CAPZB: variants seen among roughly 807,000 people sequenced by gnomAD.
The protein encoded by CAPZB is capping actin protein of muscle Z-line subunit beta.
A neutral mutation model predicts 38.1 loss-of-function variants in CAPZB; 2 were observed. The observed-to-expected ratio is 0.05, with a 90% CI of 0.02 to 0.17. The LOEUF is 0.17. Ranked by LOEUF, CAPZB falls within the 10% of genes least tolerant of loss-of-function variation. The pLI, the probability that CAPZB is intolerant of heterozygous loss-of-function variation, is 1.00. For missense variants in CAPZB, 161 were observed against 334.2 expected, an observed-to-expected ratio of 0.48 and a Z score of 4.04; for synonymous variants, 107 against 127.4, an observed-to-expected ratio of 0.84 and a Z score of 1.08.
At chr1:19,343,046 C>T (rs950305517) in intron 8 of CAPZB, among the ~76,000 whole-genome samples, 3 of 152,124 alleles carry the variant, frequency 2.0e-5, no homozygotes, top group South Asian at 2.1e-4. Context: ...TGGCGGTGGT[C>T]GTGGTATTCA....
At chr1:19,436,170 A>G (rs1245188294) in intron 1 of CAPZB, among the ~76,000 whole-genome samples, 1 of 152,246 alleles carries the variant, frequency 6.6e-6, no homozygotes, top group Non-Finnish European at 1.5e-5. Context: ...GGAAAATTCC[A>G]CAAACAATTT....
At chr1:19,410,756 T>C (rs1338004239) in intron 2 of CAPZB, among the ~76,000 whole-genome samples, 1 of 152,224 alleles carries the variant, frequency 6.6e-6, no homozygotes, top group East Asian at 1.9e-4. Context: ...AAAGATTATT[T>C]AGCTTTGGCA....
At chr1:19,423,512 C>T (rs1020604823) in intron 1 of CAPZB, among the ~76,000 whole-genome samples, 2 of 110,938 alleles carry the variant, frequency 1.8e-5, no homozygotes, top group African/African-American at 3.6e-5. Flanking sequence ...CAATAGTGAA[C>T]ATTCTTTTTT....
chr1:19,378,049 TG>T (rs2094152592), intron 4 of CAPZB, among the ~76,000 whole-genome samples: 1 of 152,184 alleles, frequency 6.6e-6, no homozygotes, highest in South Asian at 2.1e-4. Flanking sequence ...TACGGGCCTT[TG>T]GAGATAAACA....
At chr1:19,413,992 G>T (rs187801406) in intron 2 of CAPZB, among the ~76,000 whole-genome samples, 2 of 152,192 alleles carry the variant, frequency 1.3e-5, no homozygotes, top group African/African-American at 4.8e-5. Flanking sequence ...CTAATCAATC[G>T]TATTAATGAA....
intron 2 of CAPZB, among the ~76,000 whole-genome samples, chr1:19,388,614 A>G (rs1477717295): frequency 6.6e-6 from 1 of 152,212 alleles, no homozygotes. Flanking sequence ...GCACTGAACA[A>G]AGAGAACCGG....
chr1:19,393,083 G>A lies in CAPZB; in HGVS notation c.94-7457C>T, dbSNP rs570828703. 1.2e-3 allele frequency among the ~76,000 whole-genome samples: 177 copies of A among 152,318 alleles called. 5 individuals carry two copies. Among genetic ancestry groups the A allele is most frequent in the Admixed American group, 0.012 (176 of 15,300 alleles). On this transcript the variant is annotated intron_variant, in intron 2 of 8. Coordinates refer to ENST00000264202, the MANE Select transcript of CAPZB (RefSeq NM_004930.5). Reference sequence around the variant, plus strand: ...AAGCCTGCTCCCCAACTCCCCAAGGGCAGCTTCGTTACAGGGACCCCAGTT... The same window carrying A: ...AAGCCTGCTCCCCAACTCCCCAAGGACAGCTTCGTTACAGGGACCCCAGTT...
At chr1:19,484,841 G>A (rs1401749163) in intron 1 of CAPZB, 8 of 290,138 alleles carry the variant, frequency 2.8e-5, no homozygotes, top group Admixed American at 1.3e-4. Context: ...AGAAGAGGAG[G>A]TCCAGATTTA....
intron 1 of CAPZB, among the ~76,000 whole-genome samples, chr1:19,430,383 A>C (rs984017766): frequency 2.6e-5 from 4 of 152,190 alleles, no homozygotes; most frequent in African/African-American, 9.7e-5. Context: ...CTATACTTCC[A>C]CTGTAGTTTT....
At chr1:19,366,218 G>C (rs1045878935) in intron 4 of CAPZB, among the ~76,000 whole-genome samples, 2 of 149,240 alleles carry the variant, frequency 1.3e-5, no homozygotes, top group African/African-American at 5.0e-5. Context: ...AGGCCAAGGT[G>C]GGGGGATCAC....
chr1:19,456,661 C>A (rs2094534066), intron 1 of CAPZB, among the ~76,000 whole-genome samples: 1 of 152,176 alleles, frequency 6.6e-6, no homozygotes, highest in Admixed American at 6.5e-5. Context: ...ATCAGACCAT[C>A]CCACAACGTG....
At chr1:19,390,741 T>C (rs1288469827) in intron 2 of CAPZB, among the ~76,000 whole-genome samples, 1 of 151,856 alleles carries the variant, frequency 6.6e-6, no homozygotes, top group African/African-American at 2.4e-5. Flanking sequence ...CCCCAGAAGG[T>C]AGAAGGTAAG....
intron 1 of CAPZB, among the ~76,000 whole-genome samples, chr1:19,450,166 A>AG (rs2100692200): frequency 8.5e-6 from 1 of 117,256 alleles, no homozygotes; most frequent in South Asian, 2.8e-4. Flanking sequence ...AAAAAAAAAA[A>AG]AAAGAAAAGA....
At chr1:19,386,465 G>C (rs866471905) in intron 2 of CAPZB, among the ~76,000 whole-genome samples, 1 of 152,216 alleles carries the variant, frequency 6.6e-6, no homozygotes, top group Non-Finnish European at 1.5e-5. Context: ...TTTGTTTCAT[G>C]GGCCTGGGTT....
chr1:19,423,617 T>C (rs2094410331), intron 1 of CAPZB, among the ~76,000 whole-genome samples: 1 of 148,654 alleles, frequency 6.7e-6, no homozygotes. Flanking sequence ...CTCTGTCTCC[T>C]GGGCTCAAGC....
chr1:19,344,582 G>C lies in CAPZB; in HGVS notation c.655-148C>G, dbSNP rs1569864162. ...TGGGGCATCAGTGAGCGCGCTCCAG[G>C]CTGCCAAGACCCCACCTGCCATCTG... On this transcript the variant is annotated intron_variant, in intron 7 of 8. Coordinates refer to ENST00000264202, the MANE Select transcript of CAPZB (RefSeq NM_004930.5). The C allele has an allele frequency of 4.5e-6, 3 of 667,770 alleles. No individual in the cohort carries two copies. In the East Asian group the frequency reaches 7.9e-5, roughly 18 times the overall value. 41.4% of individuals were successfully genotyped at this position (667,770 alleles called of 1,614,324 possible). A position where few individuals can be genotyped will look rare whatever the true frequency, so the allele number is the denominator to read the frequency against.
chr1:19,405,801 C>T (rs2094328695), intron 2 of CAPZB, among the ~76,000 whole-genome samples: 1 of 152,208 alleles, frequency 6.6e-6, no homozygotes, highest in South Asian at 2.1e-4. Flanking sequence ...TCTGACAGCA[C>T]TCCCGCCGCC....
intron 6 of CAPZB, among the ~76,000 whole-genome samples, chr1:19,345,492 G>C (rs2093955397): frequency 6.6e-6 from 1 of 152,228 alleles, no homozygotes; most frequent in Non-Finnish European, 1.5e-5. Flanking sequence ...AGAAGATTTT[G>C]CTGCTGCCCA....
At chr1:19,479,200 ACT>A (rs904114374) in intron 1 of CAPZB, among the ~76,000 whole-genome samples, 15 of 151,804 alleles carry the variant, frequency 9.9e-5, no homozygotes, top group African/African-American at 3.2e-4. Flanking sequence ...GCAGAGCGAG[ACT>A]CTGTCTCAAA....
Sources: allele counts gnomAD v4.1 joint callset (sites outside exome capture counted in the v4.1 genomes callset), GRCh38; gene constraint gnomAD v4.1.1; transcripts MANE v1.5; gene names NCBI Gene and HGNC (gene_info 2026-07-23, HGNC 2026-07-21).